The following LRRTM4 variants were observed in gnomAD, a reference collection of about 807,000 sequenced individuals.
LRRTM4 encodes the protein leucine rich repeat transmembrane neuronal 4, also known as leucine-rich repeat transmembrane neuronal protein 4.
In LRRTM4, 25 loss-of-function variants were observed where a neutral mutation model predicts 47.6. That is an observed-to-expected ratio of 0.53 (90% CI 0.38 to 0.73). The LOEUF (loss-of-function observed/expected upper bound fraction) is 0.73, where lower values mean the gene tolerates loss of function less well. LRRTM4 is among the 30% of genes least tolerant of loss of function. The pLI, the probability that LRRTM4 is intolerant of heterozygous loss-of-function variation, is 0.00. For synonymous variants in LRRTM4, 311 were observed against 269.5 expected (o/e 1.15, Z -1.51); for missense variants, 638 against 713.4 (o/e 0.89, Z 1.20).
intron 3 of LRRTM4, among the ~76,000 whole-genome samples, chr2:77,297,569 T>G (rs1025142088): frequency 1.3e-5 from 2 of 152,186 alleles, no homozygotes; most frequent in African/African-American, 4.8e-5. Context: ...TCTATGCCTT[T>G]GGACCCAGGG....
intron 3 of LRRTM4, among the ~76,000 whole-genome samples, chr2:77,006,956 G>A (rs953072919): frequency 6.6e-6 from 1 of 152,076 alleles, no homozygotes; most frequent in African/African-American, 2.4e-5. Flanking sequence ...TGGCATCCAG[G>A]TTCAAGGAGG....
chr2:77,334,462 T>G (rs1199141913), intron 3 of LRRTM4, among the ~76,000 whole-genome samples: 1 of 152,184 alleles, frequency 6.6e-6, no homozygotes, highest in African/African-American at 2.4e-5. Flanking sequence ...GTTCTCATGA[T>G]AGTGAATGAG....
At chr2:76,784,229 T>G (rs1674553993) in intron 3 of LRRTM4, among the ~76,000 whole-genome samples, 1 of 152,096 alleles carries the variant, frequency 6.6e-6, no homozygotes, top group African/African-American at 2.4e-5. Context: ...TTTCTTTTAT[T>G]AAATACATTA....
chr2:77,047,846 T>C (rs1679285608), intron 3 of LRRTM4, among the ~76,000 whole-genome samples: 1 of 152,090 alleles, frequency 6.6e-6, no homozygotes, highest in Non-Finnish European at 1.5e-5. Context: ...TTAGGGTTTA[T>C]GAACTTCAGC....
chr2:76,982,583 A>G (rs1040544478), intron 3 of LRRTM4, among the ~76,000 whole-genome samples: 1 of 152,036 alleles, frequency 6.6e-6, no homozygotes, highest in African/African-American at 2.4e-5. Context: ...AAGAGTCACC[A>G]GACTGGGTGG....
intron 3 of LRRTM4, among the ~76,000 whole-genome samples, chr2:77,229,023 G>A (rs1250661597): frequency 6.6e-6 from 1 of 151,948 alleles, no homozygotes; most frequent in Non-Finnish European, 1.5e-5. Flanking sequence ...CAAATCATGC[G>A]ATTGCTCCTC....
At chr2:77,139,445 A>G (rs1022396576) in intron 3 of LRRTM4, among the ~76,000 whole-genome samples, 1 of 152,214 alleles carries the variant, frequency 6.6e-6, no homozygotes, top group African/African-American at 2.4e-5. Flanking sequence ...AAAAACTCTC[A>G]ATAAATTAGG....
intron 3 of LRRTM4, among the ~76,000 whole-genome samples, chr2:77,093,770 T>C (rs929559179): frequency 2.6e-5 from 4 of 151,888 alleles, no homozygotes; most frequent in African/African-American, 9.7e-5. Flanking sequence ...GAAGTGAATA[T>C]GCCCTGCCCC....
chr2:77,101,318 A>G (rs912783787), intron 3 of LRRTM4, among the ~76,000 whole-genome samples: 11 of 152,194 alleles, frequency 7.2e-5, no homozygotes, highest in Admixed American at 6.5e-4. Flanking sequence ...AATCTGAGGA[A>G]TAATTATATT....
chr2:77,080,736 C>T (rs1369433751), intron 3 of LRRTM4, among the ~76,000 whole-genome samples: 1 of 152,190 alleles, frequency 6.6e-6, no homozygotes, highest in Non-Finnish European at 1.5e-5. Flanking sequence ...AAGACTCACA[C>T]CTTTTATTAG....
chr2:76,801,927 C>T (rs1162055203), intron 3 of LRRTM4, among the ~76,000 whole-genome samples: 1 of 152,092 alleles, frequency 6.6e-6, no homozygotes, highest in African/African-American at 2.4e-5. Flanking sequence ...AACATCTTTT[C>T]ATGGTAAAGA....
At chr2:77,298,527 C>A (rs1296993842) in intron 3 of LRRTM4, among the ~76,000 whole-genome samples, 1 of 152,100 alleles carries the variant, frequency 6.6e-6, no homozygotes, top group Non-Finnish European at 1.5e-5. Context: ...GTTAAAGGAA[C>A]TTTTAAAATC....
At chr2:77,415,575 TC>T (rs1383381287) in intron 3 of LRRTM4, among the ~76,000 whole-genome samples, 7 of 152,192 alleles carry the variant, frequency 4.6e-5, no homozygotes, top group Admixed American at 1.3e-4. Flanking sequence ...CACATACTGT[TC>T]ATTTTGCCTG....
chr2:77,469,226 G>T (rs1677093680), intron 3 of LRRTM4, among the ~76,000 whole-genome samples: 1 of 152,228 alleles, frequency 6.6e-6, no homozygotes, highest in Admixed American at 6.5e-5. Flanking sequence ...TGCAGAGTAT[G>T]CCTGGGCAAA....
At chr2:76,898,347 G>C (rs1425857028) in intron 3 of LRRTM4, among the ~76,000 whole-genome samples, 1 of 149,496 alleles carries the variant, frequency 6.7e-6, no homozygotes, top group Non-Finnish European at 1.5e-5. Context: ...TTATTTGAAA[G>C]GTAAAAAACA....
intron 3 of LRRTM4, among the ~76,000 whole-genome samples, chr2:77,372,420 A>G (rs555198420): frequency 6.3e-4 from 96 of 151,882 alleles, no homozygotes; most frequent in Non-Finnish European, 9.9e-4. Flanking sequence ...TGGGAAGCAC[A>G]CTACCAGACT....
intron 3 of LRRTM4, among the ~76,000 whole-genome samples, chr2:76,811,189 T>C (rs574903490): frequency 6.6e-6 from 1 of 152,286 alleles, no homozygotes; most frequent in South Asian, 2.1e-4. Flanking sequence ...CTGCAAAAGG[T>C]TATTACTAAC....
chr2:76,948,414 C>A (rs990344966), intron 3 of LRRTM4, among the ~76,000 whole-genome samples: 1 of 151,662 alleles, frequency 6.6e-6, no homozygotes, highest in Non-Finnish European at 1.5e-5. Context: ...TGTGTTGGGC[C>A]TATTTGCAAA....
At chr2:77,052,356 G>A (rs2103775982) in intron 3 of LRRTM4, among the ~76,000 whole-genome samples, 1 of 151,724 alleles carries the variant, frequency 6.6e-6, no homozygotes, top group South Asian at 2.1e-4. Flanking sequence ...TTTTAGTAGA[G>A]ATGGGTTTCA....
Sources: allele counts gnomAD v4.1 joint callset (sites outside exome capture counted in the v4.1 genomes callset), GRCh38; gene constraint gnomAD v4.1.1; transcripts MANE v1.5; gene names NCBI Gene and HGNC (gene_info 2026-07-23, HGNC 2026-07-21).